The following DOCK1 variants were observed in gnomAD, a reference collection of about 807,000 sequenced individuals.
DOCK1 encodes dedicator of cytokinesis protein 1.
A neutral mutation model predicts 262.7 loss-of-function variants in DOCK1; 138 were observed. The observed-to-expected ratio is 0.53, with a 90% confidence interval of 0.46 to 0.61. The LOEUF is 0.61. DOCK1 is among the 20% of genes least tolerant of loss of function. DOCK1 has a pLI of 0.00. For synonymous variants in DOCK1, 866 were observed against 867.4 expected, an observed-to-expected ratio of 1.00 and a Z score of 0.03; for missense variants, 1,908 against 2,370.7, an observed-to-expected ratio of 0.80 and a Z score of 4.05.
At chr10:127,019,052 T>C in intron 13 of DOCK1, 5 of 627,148 alleles carry the variant, frequency 8.0e-6, no homozygotes, top group South Asian at 2.6e-5. Context: ...ATGGATCAGC[T>C]CTCCCCAGCT....
intron 1 of DOCK1, among the ~76,000 whole-genome samples, chr10:126,954,872 A>T (rs923231631): frequency 7.9e-5 from 12 of 152,294 alleles, no homozygotes; most frequent in Middle Eastern, 3.4e-3. Flanking sequence ...TATTGTGAAT[A>T]ATGCTGCTGT....
intron 22 of DOCK1, among the ~76,000 whole-genome samples, chr10:127,055,913 A>G (rs1319949346): frequency 6.6e-6 from 1 of 152,148 alleles, no homozygotes; most frequent in Non-Finnish European, 1.5e-5. Context: ...CTGGTGCTCA[A>G]CAGCATGGCA....
chr10:126,915,861 A>G (rs2032429526), intron 1 of DOCK1, among the ~76,000 whole-genome samples: 1 of 151,820 alleles, frequency 6.6e-6, no homozygotes, highest in Admixed American at 6.6e-5. Context: ...TTTTGGCCTC[A>G]GAAGGCTGTG....
chr10:127,290,466 A>C (rs142185212), intron 29 of DOCK1, among the ~76,000 whole-genome samples: 81 of 152,340 alleles, frequency 5.3e-4, no homozygotes, highest in African/African-American at 1.9e-3. Flanking sequence ...GAGAAATAAT[A>C]CAAAGAGATC....
chr10:127,016,231 C>T (rs2135362799), intron 12 of DOCK1: 1 of 152,206 alleles, frequency 6.6e-6, no homozygotes, highest in South Asian at 2.1e-4. Context: ...AGTAGGTGCT[C>T]AGTAGCTACT....
At chr10:127,182,783 CCAT>C (rs1405124074) in intron 27 of DOCK1, among the ~76,000 whole-genome samples, 1 of 152,058 alleles carries the variant, frequency 6.6e-6, no homozygotes, top group Non-Finnish European at 1.5e-5. Flanking sequence ...TCCCTGTTTC[CCAT>C]CATCATGACA....
intron 27 of DOCK1, among the ~76,000 whole-genome samples, chr10:127,241,474 C>T (rs1400218677): frequency 2.0e-5 from 3 of 152,084 alleles, no homozygotes; most frequent in Non-Finnish European, 4.4e-5. Context: ...AGTACTCTTG[C>T]TCAGACCCTC....
intron 36 of DOCK1, among the ~76,000 whole-genome samples, chr10:127,380,668 G>A (rs1280221415): frequency 6.6e-6 from 1 of 152,060 alleles, no homozygotes; most frequent in Non-Finnish European, 1.5e-5. Flanking sequence ...CTTCTCTCTT[G>A]GTTACTTCTA....
At chr10:126,928,322 C>T (rs1295114752) in intron 1 of DOCK1, among the ~76,000 whole-genome samples, 2 of 152,196 alleles carry the variant, frequency 1.3e-5, no homozygotes, top group African/African-American at 2.4e-5. Flanking sequence ...CGGCTGGTGT[C>T]CATGCGTCCC....
chr10:127,354,842 T>C, intron 32 of DOCK1, 115 bp downstream of exon 32: 1 of 1,221,262 alleles, frequency 8.2e-7, no homozygotes, highest in Admixed American at 2.1e-5. Context: ...TTCTGTTCCT[T>C]GGACAGCAGT....
intron 1 of DOCK1, among the ~76,000 whole-genome samples, chr10:126,968,195 T>C (rs1341226838): frequency 1.3e-5 from 2 of 152,158 alleles, no homozygotes; most frequent in African/African-American, 4.8e-5. Flanking sequence ...GAGTCGTCTT[T>C]GGAGGGCTGT....
intron 31 of DOCK1, among the ~76,000 whole-genome samples, chr10:127,353,431 C>A (rs571430327): frequency 2.6e-4 from 39 of 152,302 alleles, no homozygotes; most frequent in East Asian, 3.9e-4. Context: ...AGGGCGCTTT[C>A]CTCTCTCCCA....
chr10:127,450,636 C>T (rs539925773), intron 51 of DOCK1, among the ~76,000 whole-genome samples: 5 of 152,234 alleles, frequency 3.3e-5, no homozygotes, highest in Admixed American at 6.5e-5. Flanking sequence ...GTGCAGCTGC[C>T]CTCAGTCATA....
intron 1 of DOCK1, 65 bp downstream of exon 1, chr10:126,905,628 C>G (rs2030591602): frequency 3.8e-6 from 1 of 264,262 alleles, no homozygotes; most frequent in Non-Finnish European, 7.1e-6. Context: ...GCGGGTGTGC[C>G]GGGCGCCTGT....
rs148949803 is a variant in DOCK1 at position 126,906,882 on chromosome 10, C to G, written c.46+1319C>G. 5.0e-3 allele frequency among the ~76,000 whole-genome samples: 765 copies of G among 152,314 alleles called. 10 individuals are homozygous for G. Among genetic ancestry groups the G allele is most frequent in the African/African-American group, 0.018 (742 of 41,564 alleles). On this transcript the variant is annotated intron_variant, in intron 1 of 51. Coordinates refer to ENST00000623213, the MANE Select transcript of DOCK1 (RefSeq NM_001290223.2). ...AGTCCTGGGACAGCCCTGGGTCCTA[C>G]CGGGCCTGCACTTAGCTTGTTCCAC...
intron 27 of DOCK1, among the ~76,000 whole-genome samples, chr10:127,233,185 C>T (rs572536456): frequency 6.9e-4 from 105 of 152,236 alleles, no homozygotes; most frequent in African/African-American, 2.4e-3. Flanking sequence ...TTTGTATTCC[C>T]TAATTAGAAT....
intron 27 of DOCK1, among the ~76,000 whole-genome samples, chr10:127,247,017 C>T (rs962548477): frequency 1.3e-5 from 2 of 152,150 alleles, no homozygotes; most frequent in Non-Finnish European, 2.9e-5. Flanking sequence ...GCAAGGAAGG[C>T]TTTACAATGT....
In DOCK1 at chr10:127,187,453, G is replaced by A. The variant is rs184858906; in HGVS notation, c.2847+59689G>A. Among the ~76,000 whole-genome samples the A allele has an allele frequency of 2.5e-3, 380 of 152,274 alleles. 3 individuals carry two copies. Among genetic ancestry groups the A allele is most frequent in the African/African-American group, 8.8e-3 (367 of 41,544 alleles). ...CTTTCCAAAACCTCACATGACCCCT[G>A]TATGCTTTCGCCTTCTTGAAGCTTT... is the stretch of plus-strand genomic sequence containing the variant. On this transcript the variant is annotated intron_variant, in intron 27 of 51. Transcript: ENST00000623213.
chr10:127,325,857 A>G (rs1041732660), intron 29 of DOCK1, among the ~76,000 whole-genome samples: 7 of 152,226 alleles, frequency 4.6e-5, no homozygotes, highest in South Asian at 2.1e-4. Context: ...AGTCAAAGCT[A>G]TATATTCAAG....
Sources: allele counts gnomAD v4.1 joint callset (sites outside exome capture counted in the v4.1 genomes callset), GRCh38; gene constraint gnomAD v4.1.1; transcripts MANE v1.5; gene names NCBI Gene and HGNC (gene_info 2026-07-23, HGNC 2026-07-21).